The following LAMA2 variants were observed in gnomAD, a reference collection of about 807,000 sequenced individuals.
The protein encoded by LAMA2 is laminin subunit alpha-2.
A neutral mutation model predicts 364.8 loss-of-function variants in LAMA2; 269 were observed. The observed-to-expected ratio is 0.74, with a 90% CI of 0.67 to 0.82. The LOEUF (loss-of-function observed/expected upper bound fraction) is 0.82, where lower values mean the gene tolerates loss of function less well. LAMA2 is among the 40% of genes least tolerant of loss of function. The probability of loss-of-function intolerance (pLI) is 0.00; values close to 1 mark genes in which losing one functional copy is unlikely to be tolerated. For missense variants in LAMA2, 3,807 were observed against 3,873.2 expected (o/e 0.98, Z 0.45); for synonymous variants, 1,379 against 1,370.6 (o/e 1.01, Z -0.14).
At chr6:128,934,464 T>A (rs758294171) in intron 1 of LAMA2, among the ~76,000 whole-genome samples, 1 of 152,098 alleles carries the variant, frequency 6.6e-6, no homozygotes, top group Non-Finnish European at 1.5e-5. Flanking sequence ...TCTTATTCTT[T>A]TTTTTAGAAC....
intron 6 of LAMA2, among the ~76,000 whole-genome samples, chr6:129,147,289 G>T (rs1778519796): frequency 7.2e-6 from 1 of 138,146 alleles, no homozygotes; most frequent in Non-Finnish European, 1.5e-5. Flanking sequence ...TTTCAAAAAG[G>T]CTCCAAACTG....
At chr6:129,472,030 C>A (rs972862130) in intron 51 of LAMA2, among the ~76,000 whole-genome samples, 2 of 151,856 alleles carry the variant, frequency 1.3e-5, no homozygotes, top group Non-Finnish European at 2.9e-5. Flanking sequence ...AATAGTATTT[C>A]GTGGTCAAAT....
At chr6:129,445,861 AT>A in intron 45 of LAMA2, 40 bp downstream of exon 45, 1 of 1,554,012 alleles carries the variant, frequency 6.4e-7, no homozygotes, top group Non-Finnish European at 8.9e-7. Flanking sequence ...ACTGATTGTA[AT>A]TGTTGGATTA....
intron 41 of LAMA2, among the ~76,000 whole-genome samples, chr6:129,436,218 C>T (rs189749996): frequency 2.0e-5 from 3 of 152,192 alleles, no homozygotes; most frequent in Non-Finnish European, 4.4e-5. Context: ...TATTAACTGC[C>T]TCATTCATTC....
chr6:129,277,056 G>A (rs1174504525), intron 17 of LAMA2, among the ~76,000 whole-genome samples: 1 of 152,008 alleles, frequency 6.6e-6, no homozygotes, highest in East Asian at 1.9e-4. Context: ...CTTTTTATTG[G>A]TTATCCCAAT....
chr6:129,507,747 C>T, intron 62 of LAMA2, 105 bp downstream of exon 62: 1 of 1,188,292 alleles, frequency 8.4e-7, no homozygotes, highest in East Asian at 2.3e-5. Context: ...AACTAGTATC[C>T]TTTATTTAAG....
Position 129,478,733 on chromosome 6 carries a change from G to T in LAMA2, c.7492G>T (p.Asp2498Tyr). Residue 2498 changes from aspartate to tyrosine, a missense_variant, in exon 54 of 65, where the codon GAT (aspartate) becomes TAT (tyrosine). Physicochemically the swap from Asp to Tyr is radical, Grantham distance 160 (BLOSUM62 -3). This residue lies in a region of LAMA2 where 3,333 missense variants were observed against 3,345.7 expected (regional missense o/e 1.00). Transcript: ENST00000421865. ...NLKKYSGCLK[D>Y]IEISRTPYNI... ...GAAGAAATATTCCGGCTGCCTCAAA[G>T]ATATTGAAATTTCAAGAACTCCGTA... 6.2e-7 allele frequency: 1 copy of T among 1,613,308 alleles called. No individual in the cohort carries two copies. The highest frequency in any genetic ancestry group is 1.7e-4 in the Middle Eastern group (1 of 6,058).
intron 1 of LAMA2, among the ~76,000 whole-genome samples, chr6:128,923,836 C>A (rs1338386439): frequency 1.3e-5 from 2 of 152,056 alleles, no homozygotes; most frequent in Non-Finnish European, 2.9e-5. Context: ...GACTCAGGGT[C>A]CCAGTTGTCC....
At chr6:128,961,981 C>T (rs879836228) in intron 1 of LAMA2, among the ~76,000 whole-genome samples, 1 of 151,018 alleles carries the variant, frequency 6.6e-6, no homozygotes, top group Non-Finnish European at 1.5e-5. Flanking sequence ...GGATCAGCAG[C>T]TCAAATAACA....
chr6:129,070,374 A>C (rs1482005416), intron 3 of LAMA2, among the ~76,000 whole-genome samples: 3 of 152,182 alleles, frequency 2.0e-5, no homozygotes, highest in Non-Finnish European at 4.4e-5. Flanking sequence ...ACAAAAGCTC[A>C]AAAATGCTTT....
intron 47 of LAMA2, among the ~76,000 whole-genome samples, chr6:129,455,148 C>T (rs1782887371): frequency 6.6e-6 from 1 of 152,048 alleles, no homozygotes; most frequent in Non-Finnish European, 1.5e-5. Flanking sequence ...AGGAGGATCA[C>T]TTCAGCCCAG....
chr6:129,349,648 T>TAA (rs1283504124), intron 31 of LAMA2, among the ~76,000 whole-genome samples: 2 of 151,012 alleles, frequency 1.3e-5, no homozygotes, highest in Non-Finnish European at 3.0e-5. Context: ...TATATATATA[T>TAA]AATTTTATAT....
At chr6:129,211,817 C>T (rs1032511043) in intron 12 of LAMA2, among the ~76,000 whole-genome samples, 11 of 152,308 alleles carry the variant, frequency 7.2e-5, no homozygotes, top group Admixed American at 4.6e-4. Context: ...AAATATCCCT[C>T]TTTGACTTTC....
chr6:129,481,707 T>C (rs1784357743), intron 55 of LAMA2, among the ~76,000 whole-genome samples: 2 of 152,158 alleles, frequency 1.3e-5, no homozygotes, highest in African/African-American at 4.8e-5. Context: ...GTTTAACATA[T>C]GCATATGTAA....
intron 1 of LAMA2, among the ~76,000 whole-genome samples, chr6:129,049,168 A>G (rs1243443763): frequency 6.6e-6 from 1 of 152,184 alleles, no homozygotes; most frequent in Non-Finnish European, 1.5e-5. Flanking sequence ...ATTGACATTA[A>G]CTTACAGGAA....
chr6:129,074,799 G>C (rs1450360042), intron 3 of LAMA2, among the ~76,000 whole-genome samples: 4 of 152,138 alleles, frequency 2.6e-5, no homozygotes, highest in African/African-American at 9.7e-5. Flanking sequence ...AATTGGGATC[G>C]TGTGGAAAAT....
chr6:128,976,242 G>A (rs1782522252), intron 1 of LAMA2, among the ~76,000 whole-genome samples: 2 of 152,118 alleles, frequency 1.3e-5, no homozygotes, highest in Admixed American at 6.6e-5. Flanking sequence ...TTGCTGATTT[G>A]GTTAAAGGAA....
At chr6:129,071,949 GA>G (rs1332260508) in intron 3 of LAMA2, among the ~76,000 whole-genome samples, 1 of 152,086 alleles carries the variant, frequency 6.6e-6, no homozygotes, top group Non-Finnish European at 1.5e-5. Flanking sequence ...GCAACGTGGT[GA>G]AACCTCATCT....
At chr6:129,317,843 A>G (rs1476332759) in intron 27 of LAMA2, among the ~76,000 whole-genome samples, 1 of 151,846 alleles carries the variant, frequency 6.6e-6, no homozygotes, top group Non-Finnish European at 1.5e-5. Flanking sequence ...ATCTTTAATT[A>G]TACTTTCTTT....
Sources: allele counts gnomAD v4.1 joint callset (sites outside exome capture counted in the v4.1 genomes callset), GRCh38; gene constraint gnomAD v4.1.1; regional missense constraint gnomAD v4.1.1; transcripts MANE v1.5; gene names NCBI Gene and HGNC (gene_info 2026-07-23, HGNC 2026-07-21).